ANKRD27: variants seen among roughly 807,000 people sequenced by gnomAD.
The protein encoded by ANKRD27 is ankyrin repeat domain-containing protein 27.
Under a neutral mutation model 129.7 loss-of-function variants are expected in ANKRD27, and 112 were observed. The ratio of observed to expected loss-of-function variants is 0.86; its 90% CI spans 0.74 to 1.01. The LOEUF (loss-of-function observed/expected upper bound fraction) is 1.01. Among genes scored for constraint, ANKRD27 ranks in the 50% least tolerant of loss-of-function variants. The pLI, the probability that ANKRD27 is intolerant of heterozygous loss-of-function variation, is 0.00. For missense variants in ANKRD27, 1,258 were observed against 1,300.5 expected (o/e 0.97, Z 0.50); for synonymous variants, 516 against 511.2 (o/e 1.01, Z -0.13).
chr19:32,625,916 C>G lies in ANKRD27; in HGVS notation c.1587G>C (p.Gly529=), dbSNP rs764498437. The G allele has an allele frequency of 1.2e-6, 2 of 1,611,298 alleles. No individual in the cohort carries two copies. Among genetic ancestry groups the G allele is most frequent in the African/African-American group, 1.3e-5 (1 of 74,850 alleles). ...TGCAGGCCAGGTGGAGTGGCGTATT[C>G]CCATTGTTGTCCTGCACTTCCGCGC... ...KASAEVQDNN[G]NTPLHLACTY... The change falls in exon 17 of 29, where the codon GGG becomes GGC. Residue 529 remains glycine, a synonymous_variant. Transcript: ENST00000306065.
At chr19:32,612,365 T>C (rs778913180) in intron 22 of ANKRD27, among the ~76,000 whole-genome samples, 4 of 152,198 alleles carry the variant, frequency 2.6e-5, no homozygotes, top group Non-Finnish European at 4.4e-5. Context: ...TTTGTAGACA[T>C]ACAAAAACTA....
chr19:32,630,054 C>T (rs1048430116), intron 13 of ANKRD27, among the ~76,000 whole-genome samples: 1 of 152,076 alleles, frequency 6.6e-6, no homozygotes, highest in African/African-American at 2.4e-5. Flanking sequence ...AAGTGCACAC[C>T]ACCATGCCCA....
In ANKRD27 at chr19:32,598,248, CG is replaced by C; in HGVS notation, c.3049del (p.Arg1017GlyfsTer8). 6.2e-7 allele frequency: 1 copy of C among 1,614,182 alleles called. No homozygotes were observed. Among genetic ancestry groups the C allele is most frequent in the Non-Finnish European group, 8.5e-7 (1 of 1,180,030 alleles). ...GLTQTGPGHR[R>X]MLRRHTVEDA... is the part of the protein sequence containing the mutation. ...CTCTACCGTGTGTCTCCGCAGCATCCGTCTGTGTCCAGGGCCAGTCTGTGTC... is the reference window on the plus strand; with the variant it reads ...CTCTACCGTGTGTCTCCGCAGCATCCTCTGTGTCCAGGGCCAGTCTGTGTC... On this transcript the variant is annotated frameshift_variant, in exon 29 of 29. Transcript: ENST00000306065. LOFTEE classifies it low-confidence loss of function (END_TRUNC).
intron 3 of ANKRD27, among the ~76,000 whole-genome samples, chr19:32,648,888 G>C (rs1007553608): frequency 1.3e-5 from 2 of 151,754 alleles, no homozygotes; most frequent in African/African-American, 4.8e-5. Flanking sequence ...CAGCTTGGGG[G>C]GAAGCACATT....
chr19:32,619,909 TGA>T (rs1228219660), intron 18 of ANKRD27, among the ~76,000 whole-genome samples: 1 of 152,102 alleles, frequency 6.6e-6, no homozygotes, highest in African/African-American at 2.4e-5. Context: ...TCCACAGGCA[TGA>T]GGTGTGGCCT....
At chr19:32,637,259 G>A (rs1967108416) in intron 12 of ANKRD27, 1 of 152,054 alleles carries the variant, frequency 6.6e-6, no homozygotes, top group South Asian at 2.1e-4. Context: ...TTCAATCCTT[G>A]GCACTCTCAC....
chr19:32,622,935 G>A (rs1351862874), intron 17 of ANKRD27, among the ~76,000 whole-genome samples: 1 of 150,106 alleles, frequency 6.7e-6, no homozygotes, highest in African/African-American at 2.5e-5. Context: ...GCACCACCAT[G>A]CCTGGATGGT....
intron 3 of ANKRD27, among the ~76,000 whole-genome samples, chr19:32,649,410 C>T (rs1000470828): frequency 3.9e-5 from 6 of 151,946 alleles, no homozygotes; most frequent in East Asian, 2.0e-4. Flanking sequence ...GGTGTTCCAG[C>T]GACACACGGC....
intron 4 of ANKRD27, among the ~76,000 whole-genome samples, chr19:32,645,910 AC>A (rs1260663079): frequency 6.6e-6 from 1 of 152,094 alleles, no homozygotes; most frequent in Non-Finnish European, 1.5e-5. Context: ...TGCTAGGATT[AC>A]AAGCGTGAGC....
At chr19:32,673,366 G>T (rs1967909477) in intron 1 of ANKRD27, 2 of 985,168 alleles carry the variant, frequency 2.0e-6, no homozygotes, top group Admixed American at 6.2e-5. Flanking sequence ...TCCTGGATCT[G>T]CCCCCTGGAT....
At chr19:32,660,503 G>A (rs1157482010) in intron 1 of ANKRD27, among the ~76,000 whole-genome samples, 1 of 152,150 alleles carries the variant, frequency 6.6e-6, no homozygotes, top group African/African-American at 2.4e-5. Flanking sequence ...GGGTGATAAA[G>A]CGAGACTCCG....
intron 17 of ANKRD27, among the ~76,000 whole-genome samples, chr19:32,624,206 A>G (rs1387043298): frequency 6.6e-6 from 1 of 152,050 alleles, no homozygotes; most frequent in Non-Finnish European, 1.5e-5. Context: ...GTCTCTACTA[A>G]AAATACAAAA....
At chr19:32,654,762 T>A (rs1042928742) in intron 2 of ANKRD27, among the ~76,000 whole-genome samples, 30 of 150,624 alleles carry the variant, frequency 2.0e-4, no homozygotes, top group African/African-American at 6.8e-4. Flanking sequence ...CACGGGAGGG[T>A]TTTTTGTTTG....
intron 21 of ANKRD27, among the ~76,000 whole-genome samples, chr19:32,616,548 CAA>C (rs5827811): frequency 3.2e-5 from 3 of 93,160 alleles, no homozygotes; most frequent in African/African-American, 8.8e-5. Context: ...GACTCCGTCT[CAA>C]AAAAAAAAAA....
At chr19:32,670,757 G>A (rs1239093236) in intron 1 of ANKRD27, among the ~76,000 whole-genome samples, 1 of 151,938 alleles carries the variant, frequency 6.6e-6, no homozygotes, top group Non-Finnish European at 1.5e-5. Flanking sequence ...ACTTTGGAAG[G>A]CCGAGGCGGG....
chr19:32,640,157 G>A, intron 11 of ANKRD27, 150 bp downstream of exon 11: 1 of 518,626 alleles, frequency 1.9e-6, no homozygotes, highest in South Asian at 1.9e-5. Flanking sequence ...TAGAGACGGG[G>A]TTTCACCGTG....
Position 32,599,721 on chromosome 19 carries a change from C to A in ANKRD27, c.2902G>T (p.Glu968Ter). ...ARDRSVPNLT[E>*]GSLHEPGRQS... ...TAACTTACCTCATGCAAAGAACCTTCGGTTAAATTAGGGACACTTCTATCT... is the reference window on the plus strand; with the variant it reads ...TAACTTACCTCATGCAAAGAACCTTAGGTTAAATTAGGGACACTTCTATCT... Residue 968 changes from glutamate to a stop codon, truncating the protein, a stop_gained, in exon 28 of 29, where the codon GAA (glutamate) becomes TAA (stop). Transcript: ENST00000306065. LOFTEE classifies it low-confidence loss of function (END_TRUNC). 1 of 1,613,204 alleles carries A rather than the reference C, an allele frequency of 6.2e-7. No homozygotes were observed. The highest frequency in any genetic ancestry group is 8.5e-7 in the Non-Finnish European group (1 of 1,179,788).
rs374502967 is a variant in ANKRD27, at chr19:32,642,016, G to A, written c.904+8C>T. On this transcript the variant is annotated splice_region_variant and intron_variant, in intron 10 of 28. Transcript: ENST00000306065. ...ACCCCTTGGCCAGTCCCCTTTCCAAGCACAAACCTCTCTGGCTTGGAGACT... is the reference window on the plus strand; with the variant it reads ...ACCCCTTGGCCAGTCCCCTTTCCAAACACAAACCTCTCTGGCTTGGAGACT... 5.1e-6 allele frequency: 8 copies of A among 1,573,060 alleles called. No homozygotes were observed. The highest frequency in any genetic ancestry group is 1.4e-5 in the African/African-American group (1 of 73,678).
intron 2 of ANKRD27, among the ~76,000 whole-genome samples, chr19:32,658,645 C>T (rs1453858907): frequency 6.6e-6 from 1 of 152,180 alleles, no homozygotes; most frequent in African/African-American, 2.4e-5. Context: ...GACCAAGTGT[C>T]ACTGGGGGTG....
Sources: gnomAD v4.1 joint callset for allele counts (sites outside exome capture counted in the v4.1 genomes callset) on GRCh38, gnomAD v4.1.1 for gene constraint, MANE v1.5 for transcripts, NCBI Gene and HGNC (gene_info 2026-07-23, HGNC 2026-07-21) for gene names.